SPEF2: variants seen among roughly 807,000 people sequenced by gnomAD.
The protein encoded by SPEF2 is sperm flagella and cilia-associated protein 2.
A neutral mutation model predicts 224.6 loss-of-function variants in SPEF2; 187 were observed. The ratio of observed to expected loss-of-function variants is 0.83; its 90% CI spans 0.74 to 0.94. SPEF2 has a LOEUF of 0.94. Ranked by LOEUF, SPEF2 falls within the 40% of genes least tolerant of loss-of-function variation. The pLI is 0.00. For missense variants in SPEF2, 2,170 were observed against 2,135.6 expected (o/e 1.02, Z -0.32); for synonymous variants, 715 against 707.3 (o/e 1.01, Z -0.17).
rs34350879 is a variant in SPEF2 at position 35,706,049 on chromosome 5, TA to T, written c.2665+251del. On this transcript the variant is annotated intron_variant, in intron 18 of 36. Coordinates refer to ENST00000356031, the MANE Select transcript of SPEF2 (RefSeq NM_024867.4). ...TCTCTCTGAAAGCATTGTTTTCACA[TA>T]AAAAAAAAACAAGAAAAAAACCCAG... Among the ~76,000 whole-genome samples, 310 of 127,718 alleles carry T rather than the reference TA, an allele frequency of 2.4e-3. 2 individuals carry two copies. The highest frequency in any genetic ancestry group is 8.4e-3 in the African/African-American group (282 of 33,498). 83.8% of individuals were successfully genotyped at this position (127,718 alleles called of 152,430 possible).
At chr5:35,773,755 G>A in intron 27 of SPEF2, 138 bp from the exon 28 acceptor site, 1 of 968,936 alleles carries the variant, frequency 1.0e-6, no homozygotes, top group Non-Finnish European at 1.4e-6. Flanking sequence ...GATGCTGGGA[G>A]GACCAAGGTT....
intron 29 of SPEF2, among the ~76,000 whole-genome samples, chr5:35,777,976 G>A (rs560255962): frequency 1.3e-5 from 2 of 152,190 alleles, no homozygotes; most frequent in Middle Eastern, 6.8e-3. Context: ...CTGTCCCCGA[G>A]CACGCAACCA....
intron 34 of SPEF2, among the ~76,000 whole-genome samples, chr5:35,803,334 C>T (rs149125858): frequency 8.9e-4 from 136 of 152,304 alleles, no homozygotes; most frequent in Middle Eastern, 3.4e-3. Context: ...CACAGGAAGA[C>T]GCTTAATGCC....
chr5:35,621,027 T>TTA (rs1168196094), intron 1 of SPEF2, among the ~76,000 whole-genome samples: 1 of 152,202 alleles, frequency 6.6e-6, no homozygotes, highest in African/African-American at 2.4e-5. Flanking sequence ...TATATCTCTG[T>TTA]TATCTGGCTT....
intron 23 of SPEF2, among the ~76,000 whole-genome samples, chr5:35,740,895 C>T (rs568634430): frequency 1.3e-5 from 2 of 151,998 alleles, no homozygotes; most frequent in Admixed American, 1.3e-4. Context: ...ATTGACACAC[C>T]CCCCCTTATC....
At chr5:35,803,864 A>C (rs1757750465) in intron 34 of SPEF2, among the ~76,000 whole-genome samples, 1 of 152,240 alleles carries the variant, frequency 6.6e-6, no homozygotes, top group South Asian at 2.1e-4. Flanking sequence ...TGCTGATTTT[A>C]TTCAATGCGG....
At chr5:35,618,815 T>C (rs919050079) in intron 1 of SPEF2, among the ~76,000 whole-genome samples, 1 of 152,114 alleles carries the variant, frequency 6.6e-6, no homozygotes, top group Non-Finnish European at 1.5e-5. Flanking sequence ...TGCTGGCAGC[T>C]TCCTTGACTG....
intron 12 of SPEF2, among the ~76,000 whole-genome samples, chr5:35,693,431 A>G (rs1372036011): frequency 1.3e-5 from 2 of 152,106 alleles, no homozygotes. Flanking sequence ...AGTAGATCTC[A>G]ATTGGGGGAT....
chr5:35,797,175 A>G (rs1756781598), intron 33 of SPEF2, among the ~76,000 whole-genome samples: 1 of 152,210 alleles, frequency 6.6e-6, no homozygotes, highest in African/African-American at 2.4e-5. Context: ...CAAAACAGAA[A>G]AGGACCTTTT....
intron 6 of SPEF2, among the ~76,000 whole-genome samples, chr5:35,650,051 ACT>A (rs889733961): frequency 6.6e-5 from 10 of 152,198 alleles, no homozygotes; most frequent in African/African-American, 2.2e-4. Flanking sequence ...AATGATCCAA[ACT>A]CTATGCATTT....
Position 35,700,566 on chromosome 5 carries a change from G to A in SPEF2, c.2212G>A (p.Glu738Lys), listed in dbSNP as rs747058126. 9.9e-6 allele frequency: 16 copies of A among 1,613,564 alleles called. No individual in the cohort carries two copies. The East Asian group carries it at 3.1e-4, about 31-fold the overall frequency. The change falls in exon 16 of 37, where the codon GAA (glutamate) becomes AAA (lysine). Residue 738 changes from glutamate to lysine, a missense_variant. Physicochemically the swap from Glu to Lys is moderately conservative, Grantham distance 56. Transcript: ENST00000356031. The stretch of plus-strand genomic sequence containing the variant: ...GACTTTAAACCAAGCACAGCTTCTG[G>A]AAGAAGCTCTTACAGGCTGCAATAG... ...PMTLNQAQLLEEALTGCNRNL... is the reference protein window; with the variant it reads ...PMTLNQAQLLKEALTGCNRNL...
chr5:35,801,707 C>G (rs1223376671), intron 34 of SPEF2, among the ~76,000 whole-genome samples: 1 of 152,068 alleles, frequency 6.6e-6, no homozygotes, highest in South Asian at 2.1e-4. Flanking sequence ...CTTCCCTCAC[C>G]TCAAATGATG....
intron 19 of SPEF2, 66 bp from the exon 20 acceptor site, chr5:35,712,746 A>G (rs1659219654): frequency 4.0e-6 from 6 of 1,503,136 alleles, no homozygotes. Context: ...TAGCTTGCTT[A>G]CAATCATATA....
intron 20 of SPEF2, among the ~76,000 whole-genome samples, chr5:35,714,310 A>G (rs1261756419): frequency 6.6e-6 from 1 of 150,998 alleles, no homozygotes; most frequent in African/African-American, 2.4e-5. Context: ...TACTTTCCCC[A>G]CCCCCAACCC....
intron 26 of SPEF2, among the ~76,000 whole-genome samples, chr5:35,765,696 A>G (rs1751997064): frequency 6.6e-6 from 1 of 152,158 alleles, no homozygotes. Flanking sequence ...TCTGCCAAGA[A>G]CATTTTGGAT....
chr5:35,661,536 A>C (rs1749750548), intron 8 of SPEF2, among the ~76,000 whole-genome samples: 1 of 151,704 alleles, frequency 6.6e-6, no homozygotes, highest in Non-Finnish European at 1.5e-5. Flanking sequence ...TATTAAGCCT[A>C]GTGCCCATTA....
At chr5:35,807,323 T>C in intron 36 of SPEF2, 70 bp downstream of exon 36, 1 of 1,542,054 alleles carries the variant, frequency 6.5e-7, no homozygotes, top group Non-Finnish European at 8.7e-7. Flanking sequence ...TGTTTCTAAA[T>C]GTGAGCTGGC....
intron 19 of SPEF2, 55 bp from the exon 20 acceptor site, chr5:35,712,757 G>A (rs1485171410): frequency 6.4e-7 from 1 of 1,554,306 alleles, no homozygotes; most frequent in African/African-American, 1.4e-5. Context: ...CAATCATATA[G>A]CCCAGGCTAT....
chr5:35,762,011 T>C (rs371145881), intron 25 of SPEF2, among the ~76,000 whole-genome samples: 79 of 152,324 alleles, frequency 5.2e-4, no homozygotes, highest in South Asian at 2.9e-3. Context: ...AAAATTTTCA[T>C]ATATTTTGTC....
Sources: allele counts gnomAD v4.1 joint callset (sites outside exome capture counted in the v4.1 genomes callset), GRCh38; gene constraint gnomAD v4.1.1; transcripts MANE v1.5; gene names NCBI Gene and HGNC (gene_info 2026-07-23, HGNC 2026-07-21).